RELCH: variants seen among roughly 807,000 people sequenced by gnomAD.
RELCH encodes the protein RAB11-binding protein RELCH.
Under a neutral mutation model 150.3 loss-of-function variants are expected in RELCH, and 41 were observed. The ratio of observed to expected loss-of-function variants is 0.27; its 90% CI spans 0.21 to 0.35. RELCH has a LOEUF of 0.35. Ranked by LOEUF, RELCH falls within the 10% of genes least tolerant of loss-of-function variation. The pLI is 1.00. For synonymous variants in RELCH, 478 were observed against 531.8 expected, an observed-to-expected ratio of 0.90 and a Z score of 1.39; for missense variants, 1,092 against 1,467.8, an observed-to-expected ratio of 0.74 and a Z score of 4.18.
At chr18:62,292,231 C>G (rs999531386) in intron 27 of RELCH, among the ~76,000 whole-genome samples, 29 of 152,176 alleles carry the variant, frequency 1.9e-4, no homozygotes, top group Admixed American at 2.0e-4. Context: ...CTGCATCACA[C>G]TAATCCATTG....
chr18:62,222,733 T>C (rs2040958432), intron 5 of RELCH, among the ~76,000 whole-genome samples: 1 of 151,992 alleles, frequency 6.6e-6, no homozygotes, highest in African/African-American at 2.4e-5. Flanking sequence ...ATAATTACAA[T>C]TTTATAAAAA....
rs982023514 is a variant in RELCH, at chr18:62,263,901, G to A, written c.2351-88G>A. The stretch of plus-strand genomic sequence containing the variant: ...ATAAGAAAGTAATTAAATATGAGGA[G>A]AAAGGACCTTATTTTCCTTTCAACA... On this transcript the variant is annotated intron_variant, in intron 16 of 28. Coordinates refer to ENST00000644646, the MANE Select transcript of RELCH (RefSeq NM_001346231.2). 6.3e-6 allele frequency: 6 copies of A among 952,588 alleles called. No homozygotes were observed. In the East Asian group the frequency reaches 1.6e-4, roughly 26 times the overall value. 59.0% of individuals were successfully genotyped at this position (952,588 alleles called of 1,614,324 possible).
At chr18:62,270,234 G>A (rs1296211271) in intron 20 of RELCH, among the ~76,000 whole-genome samples, 1 of 152,154 alleles carries the variant, frequency 6.6e-6, no homozygotes, top group Non-Finnish European at 1.5e-5. Flanking sequence ...TAAGGCTTAG[G>A]CCTGGAATTA....
chr18:62,190,546 C>T (rs1568286065), intron 1 of RELCH, among the ~76,000 whole-genome samples: 1 of 152,094 alleles, frequency 6.6e-6, no homozygotes, highest in Non-Finnish European at 1.5e-5. Flanking sequence ...CACTGCAGTC[C>T]AGCCTGGGCG....
Position 62,268,964 on chromosome 18 carries a change from T to G in RELCH, c.2760+16T>G, listed in dbSNP as rs201603091. On this transcript the variant is annotated intron_variant, in intron 20 of 28. Transcript: ENST00000644646. ...TTATATTCAGGTAAGGGAAAAATTC[T>G]TACTCTCTAGTAAAAGGCTTTCCAT... 9.4e-5 allele frequency: 131 copies of G among 1,389,540 alleles called. No homozygotes were observed. Among genetic ancestry groups the G allele is most frequent in the Non-Finnish European group, 1.2e-4 (124 of 1,017,148 alleles). 86.1% of individuals were successfully genotyped at this position (1,389,540 alleles called of 1,614,324 possible). A position where few individuals can be genotyped will look rare whatever the true frequency, so the allele number is the denominator to read the frequency against.
At chr18:62,205,921 G>T (rs1237634098) in intron 1 of RELCH, among the ~76,000 whole-genome samples, 1 of 152,108 alleles carries the variant, frequency 6.6e-6, no homozygotes, top group African/African-American at 2.4e-5. Flanking sequence ...CTAACTGGGA[G>T]GCTGAAGTGG....
At chr18:62,274,816 C>T (rs914117044) in intron 21 of RELCH, among the ~76,000 whole-genome samples, 5 of 152,230 alleles carry the variant, frequency 3.3e-5, no homozygotes, top group Non-Finnish European at 7.3e-5. Context: ...TTATCTGTCA[C>T]AATTGTGAAT....
chr18:62,283,299 CT>C (rs1193151908), intron 25 of RELCH, among the ~76,000 whole-genome samples: 1 of 152,146 alleles, frequency 6.6e-6, no homozygotes, highest in Non-Finnish European at 1.5e-5. Flanking sequence ...TACAGAGTCT[CT>C]TTTACTGTGG....
chr18:62,212,488 ACT>A (rs1254414106), intron 2 of RELCH, among the ~76,000 whole-genome samples: 3 of 152,154 alleles, frequency 2.0e-5, no homozygotes, highest in African/African-American at 7.2e-5. Flanking sequence ...GTTTTGACCA[ACT>A]CTGTTGAATT....
chr18:62,198,603 G>A (rs2039209229), intron 1 of RELCH, among the ~76,000 whole-genome samples: 1 of 152,030 alleles, frequency 6.6e-6, no homozygotes, highest in African/African-American at 2.4e-5. Context: ...CCTTAGTTTA[G>A]GCTTTAGCTC....
At chr18:62,254,151 A>G (rs889494332) in intron 12 of RELCH, among the ~76,000 whole-genome samples, 3 of 152,112 alleles carry the variant, frequency 2.0e-5, no homozygotes, top group African/African-American at 7.2e-5. Flanking sequence ...GGATTTTCAT[A>G]AACAATGCAT....
chr18:62,222,021 C>T (rs2040910561), intron 5 of RELCH, among the ~76,000 whole-genome samples: 1 of 151,820 alleles, frequency 6.6e-6, no homozygotes, highest in Admixed American at 6.6e-5. Flanking sequence ...AAAAAGATGT[C>T]TTATTTTAGT....
At chr18:62,188,121 C>A in intron 1 of RELCH, 90 bp downstream of exon 1, 1 of 1,360,628 alleles carries the variant, frequency 7.3e-7, no homozygotes, top group East Asian at 2.5e-5. Context: ...TGCGTGGGTC[C>A]CGATAGGGAC....
At position 62,305,567 on chromosome 18, in the gene RELCH, A is replaced by G. The variant is rs1261984131; in HGVS notation, c.*33A>G. 2.7e-5 allele frequency: 43 copies of G among 1,584,746 alleles called. No individual in the cohort carries two copies. Among genetic ancestry groups the G allele is most frequent in the Non-Finnish European group, 3.3e-5 (39 of 1,168,102 alleles). Reference sequence around the variant, plus strand: ...AAAGAAGCCCCCAGTAAACACTAAGATGGACCTCAAGCCGACTGGTTCCTT... The same window carrying G: ...AAAGAAGCCCCCAGTAAACACTAAGGTGGACCTCAAGCCGACTGGTTCCTT... On this transcript the variant is annotated 3_prime_UTR_variant, in exon 29 of 29. Coordinates refer to ENST00000644646, the MANE Select transcript of RELCH (RefSeq NM_001346231.2). The surrounding 1 kb of genome is among the most constrained non-coding windows in gnomAD (Gnocchi z 4.0).
At chr18:62,295,319 T>TA (rs919512680) in intron 27 of RELCH, among the ~76,000 whole-genome samples, 1 of 100,752 alleles carries the variant, frequency 9.9e-6, no homozygotes, top group Admixed American at 8.9e-5. Context: ...GCCTGGTGTG[T>TA]TTTTTTTTTT....
chr18:62,266,204 T>C (rs2144744699), intron 18 of RELCH, among the ~76,000 whole-genome samples: 1 of 152,064 alleles, frequency 6.6e-6, no homozygotes, highest in South Asian at 2.1e-4. Context: ...CATATTTCAA[T>C]TTGAAAAGTT....
chr18:62,271,248 C>A (rs1055763563), intron 20 of RELCH, among the ~76,000 whole-genome samples: 2 of 152,192 alleles, frequency 1.3e-5, no homozygotes, highest in African/African-American at 4.8e-5. Context: ...TCCTCTCCAG[C>A]ACCTGTTGTT....
intron 14 of RELCH, 117 bp from the exon 15 acceptor site, chr18:62,258,392 CCTT>C: frequency 1.1e-6 from 1 of 871,538 alleles, no homozygotes; most frequent in Non-Finnish European, 1.7e-6. Context: ...TTATGGATGG[CCTT>C]CTTTCTTGCT....
At position 62,188,025 on chromosome 18, in the gene RELCH, C is replaced by G. The variant is rs777421720; in HGVS notation, c.520C>G (p.Gln174Glu). ...REPSTASGGG[Q>E]LNRAGSISTL... ...ACCGAGTACAGCGTCGGGCGGGGGA[C>G]AGCTCAGTAAGTGGACGCAGCCTGT... The change falls in exon 1 of 29, where the codon CAG becomes GAG. Residue 174 changes from glutamine (Q) to glutamate (E), a missense_variant. By Grantham distance (29) the Gln-to-Glu change is conservative (BLOSUM62 2). Transcript: ENST00000644646. 6.4e-7 allele frequency: 1 copy of G among 1,567,898 alleles called. No homozygotes were observed.
Sources: gnomAD v4.1 joint callset for allele counts (sites outside exome capture counted in the v4.1 genomes callset) on GRCh38, gnomAD v4.1.1 for gene constraint, Gnocchi (gnomAD v3.1) non-coding constraint, MANE v1.5 for transcripts, NCBI Gene and HGNC (gene_info 2026-07-23, HGNC 2026-07-21) for gene names.